GALNT13: variants seen among roughly 807,000 people sequenced by gnomAD.
GALNT13 encodes UDP-GalNAc:polypeptide N-acetylgalactosaminyltransferase 13.
GALNT13 carries 28 observed loss-of-function variants against 64.2 expected under a neutral mutation model. The observed-to-expected ratio is 0.44, with a 90% confidence interval of 0.32 to 0.60. The LOEUF (loss-of-function observed/expected upper bound fraction) is 0.60. Among genes scored for constraint, GALNT13 ranks in the 20% least tolerant of loss-of-function variants. The probability of loss-of-function intolerance (pLI) is 0.05; values close to 1 mark genes in which losing one functional copy is unlikely to be tolerated. For synonymous variants in GALNT13, 214 were observed against 224.6 expected (o/e 0.95, Z 0.42); for missense variants, 577 against 669.8 (o/e 0.86, Z 1.53).
At chr2:153,086,713 A>ATTTATTTTATTTTAT in the GALNT13 span, among the ~76,000 whole-genome samples, 190 of 149,740 alleles carry the variant, frequency 1.3e-3, no homozygotes, top group African/African-American at 4.4e-3. Context: ...ATTTTATTTT[A>ATTTATTTTATTTTAT]TTTATTTTAT....
At chr2:153,720,209 C>T in the GALNT13 span, among the ~76,000 whole-genome samples, 1 of 145,972 alleles carries the variant, frequency 6.9e-6, no homozygotes, top group Admixed American at 6.8e-5. Context: ...ACACTGACAC[C>T]TCACACGGCA....
chr2:153,254,323 A>G, the GALNT13 span, among the ~76,000 whole-genome samples: 51,191 of 151,742 alleles, frequency 0.34, 8,826 homozygotes, highest in Middle Eastern at 0.51. Context: ...TATCCCCTTT[A>G]TCATTTTTTA....
intron 3 of GALNT13, among the ~76,000 whole-genome samples, chr2:154,077,177 A>G (rs982873233): frequency 1.6e-4 from 24 of 151,656 alleles, no homozygotes; most frequent in African/African-American, 5.1e-4. Context: ...GGAGGAATGT[A>G]TAAATGCGGC....
chr2:154,157,191 C>T (rs1367762745), intron 4 of GALNT13, among the ~76,000 whole-genome samples: 1 of 152,106 alleles, frequency 6.6e-6, no homozygotes, highest in Non-Finnish European at 1.5e-5. Flanking sequence ...GCAAAGAAAA[C>T]TCCCCCTAGT....
At chr2:153,376,423 A>G in the GALNT13 span, among the ~76,000 whole-genome samples, 2 of 152,186 alleles carry the variant, frequency 1.3e-5, no homozygotes, top group Admixed American at 1.3e-4. Flanking sequence ...TCTAAAAACA[A>G]TGGAAGCAAC....
At chr2:153,714,338 A>C in the GALNT13 span, among the ~76,000 whole-genome samples, 1 of 152,162 alleles carries the variant, frequency 6.6e-6, no homozygotes, top group African/African-American at 2.4e-5. Flanking sequence ...TCAGTTATTA[A>C]ATATATAATT....
chr2:153,160,345 G>A, the GALNT13 span, among the ~76,000 whole-genome samples: 2 of 152,142 alleles, frequency 1.3e-5, no homozygotes, highest in South Asian at 4.1e-4. Context: ...CAGTTGATGG[G>A]GAAAGGCATA....
intron 8 of GALNT13, among the ~76,000 whole-genome samples, chr2:154,279,856 G>A (rs771068121): frequency 1.8e-4 from 27 of 151,788 alleles, no homozygotes; most frequent in Non-Finnish European, 3.4e-4. Flanking sequence ...GATGTTTGTG[G>A]GTTTCTTGAA....
At chr2:154,021,492 GCTCT>G (rs1178634209) in intron 3 of GALNT13, among the ~76,000 whole-genome samples, 4 of 151,990 alleles carry the variant, frequency 2.6e-5, no homozygotes, top group Non-Finnish European at 5.9e-5. Flanking sequence ...TCATGATTTG[GCTCT>G]CTGTTTGTCT....
At chr2:154,162,501 A>G (rs1264078465) in intron 4 of GALNT13, among the ~76,000 whole-genome samples, 1 of 152,220 alleles carries the variant, frequency 6.6e-6, no homozygotes, top group Non-Finnish European at 1.5e-5. Flanking sequence ...TGTTTCAGTC[A>G]TAGCCTGAGT....
At chr2:153,482,067 A>G in the GALNT13 span, among the ~76,000 whole-genome samples, 2 of 152,320 alleles carry the variant, frequency 1.3e-5, no homozygotes, top group South Asian at 4.1e-4. Flanking sequence ...TTATTGAACC[A>G]CCAAAATAAA....
intron 9 of GALNT13, among the ~76,000 whole-genome samples, chr2:154,383,968 T>C (rs1698394986): frequency 6.6e-6 from 1 of 151,710 alleles, no homozygotes; most frequent in Non-Finnish European, 1.5e-5. Flanking sequence ...GCTCTGCAAA[T>C]AGTAGTTCAG....
chr2:153,647,234 ATGTATC>A, the GALNT13 span, among the ~76,000 whole-genome samples: 1 of 152,264 alleles, frequency 6.6e-6, no homozygotes, highest in African/African-American at 2.4e-5. Flanking sequence ...GCATTTTTTC[ATGTATC>A]TGTTGGCTGC....
chr2:153,304,321 G>A, the GALNT13 span, among the ~76,000 whole-genome samples: 4 of 151,964 alleles, frequency 2.6e-5, no homozygotes, highest in Non-Finnish European at 2.9e-5. Flanking sequence ...TGCTGAGCCT[G>A]CAGATTCCAC....
At chr2:154,267,510 G>A (rs1480052044) in intron 8 of GALNT13, among the ~76,000 whole-genome samples, 11 of 151,912 alleles carry the variant, frequency 7.2e-5, no homozygotes, top group Admixed American at 7.2e-4. Context: ...CGTGGTCGTG[G>A]GCGCCTGTAA....
the GALNT13 span, among the ~76,000 whole-genome samples, chr2:153,272,588 G>A: frequency 2.0e-5 from 3 of 152,154 alleles, no homozygotes; most frequent in Non-Finnish European, 4.4e-5. Flanking sequence ...AGTTAGAATG[G>A]AGGTCATTAA....
the GALNT13 span, among the ~76,000 whole-genome samples, chr2:153,126,485 T>A: frequency 6.6e-6 from 1 of 151,702 alleles, no homozygotes; most frequent in Non-Finnish European, 1.5e-5. Flanking sequence ...AAAATAGGCT[T>A]AAAGAAAAAA....
the GALNT13 span, among the ~76,000 whole-genome samples, chr2:153,364,119 C>G: frequency 6.6e-6 from 1 of 152,160 alleles, no homozygotes; most frequent in Non-Finnish European, 1.5e-5. Flanking sequence ...ATCCCATAAA[C>G]TGAACCAATG....
chr2:154,250,952 G>T (rs1690037991), intron 7 of GALNT13, among the ~76,000 whole-genome samples: 1 of 152,054 alleles, frequency 6.6e-6, no homozygotes, highest in Non-Finnish European at 1.5e-5. Flanking sequence ...ACTAGTCAAT[G>T]CTCTTGCTTA....
Sources: allele counts gnomAD v4.1 joint callset (sites outside exome capture counted in the v4.1 genomes callset), GRCh38; gene constraint gnomAD v4.1.1; transcripts MANE v1.5; gene names NCBI Gene and HGNC (gene_info 2026-07-23, HGNC 2026-07-21).